Variants in CNTNAP3 observed in about 807,000 individuals in gnomAD.
The protein encoded by CNTNAP3 is contactin-associated protein-like 3.
In CNTNAP3, 36 loss-of-function variants were observed where a neutral mutation model predicts 92.1. That is an observed-to-expected ratio of 0.39 (90% CI 0.30 to 0.52). The LOEUF (loss-of-function observed/expected upper bound fraction) is 0.52, where lower values mean the gene tolerates loss of function less well. Among genes scored for constraint, CNTNAP3 ranks in the 20% least tolerant of loss-of-function variants. The pLI, the probability that CNTNAP3 is intolerant of heterozygous loss-of-function variation, is 0.76. For missense variants in CNTNAP3, 534 were observed against 1,069.6 expected (o/e 0.50, Z 6.98); for synonymous variants, 232 against 422.3 (o/e 0.55, Z 5.53).
intron 23 of CNTNAP3, among the ~76,000 whole-genome samples, chr9:39,077,582 A>ACAAG (rs1825813389): frequency 6.9e-6 from 1 of 144,810 alleles, no homozygotes; most frequent in Non-Finnish European, 1.5e-5. Context: ...AAACAAACAA[A>ACAAG]CAAACAAACA....
rs966636797 is a variant in CNTNAP3, at chr9:39,184,074, C to T, written c.539-5714G>A. On this transcript the variant is annotated intron_variant, in intron 4 of 23. Transcript: ENST00000297668. ...TTAAGTGTAACGTTTTTGAAATACA[C>T]GCATGCTGTTGCATATATCAACAGT... 1.4e-4 allele frequency among the ~76,000 whole-genome samples: 20 copies of T among 145,218 alleles called. 1 individual carries two copies. Among genetic ancestry groups the T allele is most frequent in the African/African-American group, 2.2e-4 (8 of 36,106 alleles).
chr9:39,076,763 T>C (rs62568851), intron 23 of CNTNAP3, among the ~76,000 whole-genome samples: 7,803 of 147,952 alleles, frequency 0.053, 2 homozygotes, highest in Admixed American at 0.11. Context: ...GGTCAGGAGA[T>C]CGAGACCATT....
intron 2 of CNTNAP3, among the ~76,000 whole-genome samples, chr9:39,260,323 C>CTG (rs557274061): frequency 0.013 from 257 of 20,152 alleles, 110 homozygotes; most frequent in Admixed American, 0.028. Context: ...ACCATTTTCT[C>CTG]TGTGTGTGTG....
chr9:39,095,411 C>T (rs371418227), intron 18 of CNTNAP3, among the ~76,000 whole-genome samples: 8 of 151,276 alleles, frequency 5.3e-5, no homozygotes, highest in East Asian at 3.9e-4. Context: ...TCTTATTTTA[C>T]GGAAGCTTTC....
chr9:39,075,650 A>G (rs1418633819), intron 23 of CNTNAP3, among the ~76,000 whole-genome samples: 1 of 152,270 alleles, frequency 6.6e-6, no homozygotes, highest in Non-Finnish European at 1.5e-5. Flanking sequence ...GAATGTACAA[A>G]CACACGTATT....
intron 13 of CNTNAP3, among the ~76,000 whole-genome samples, chr9:39,125,703 A>C (rs1821138316): frequency 6.6e-6 from 1 of 152,320 alleles, no homozygotes; most frequent in South Asian, 2.1e-4. Flanking sequence ...GACAAAGCCA[A>C]CTGCAGAGCA....
At chr9:39,121,329 T>C (rs1419078411) in intron 13 of CNTNAP3, among the ~76,000 whole-genome samples, 3 of 150,166 alleles carry the variant, frequency 2.0e-5, no homozygotes, top group Admixed American at 6.7e-5. Flanking sequence ...TTAAAAAAAA[T>C]CACCAGGAAG....
intron 18 of CNTNAP3, among the ~76,000 whole-genome samples, chr9:39,097,329 C>T (rs1826349681): frequency 6.6e-6 from 1 of 152,006 alleles, no homozygotes; most frequent in African/African-American, 2.4e-5. Context: ...GTTGAATGTG[C>T]CTCACTGCTC....
chr9:39,087,052 T>A (rs1243946632), intron 19 of CNTNAP3, among the ~76,000 whole-genome samples: 1 of 152,040 alleles, frequency 6.6e-6, no homozygotes, highest in East Asian at 1.9e-4. Context: ...AGTCCAATGA[T>A]GCTATTTGAA....
In CNTNAP3 at chr9:39,092,832, T is replaced by A. The variant is rs1826237630; in HGVS notation, c.2996-4185A>T. On this transcript the variant is annotated intron_variant, in intron 18 of 23. Coordinates refer to ENST00000297668, the MANE Select transcript of CNTNAP3 (RefSeq NM_033655.5). ...TATTGAATCCTCCAGGTTTTATTCC[T>A]AGTTTTTCTATTTCTCTTTTCAGTT... is the stretch of plus-strand genomic sequence containing the variant. 1.4e-5 allele frequency among the ~76,000 whole-genome samples: 2 copies of A among 141,144 alleles called. 1 individual carries two copies. The highest frequency in any genetic ancestry group is 5.2e-5 in the African/African-American group (2 of 38,682). The allele number at this position is 141,144 out of a possible 152,430, so 92.6% of individuals were successfully genotyped here. A position where few individuals can be genotyped will look rare whatever the true frequency, so the allele number is the denominator to read the frequency against.
intron 14 of CNTNAP3, among the ~76,000 whole-genome samples, chr9:39,110,775 A>C (rs1310272158): frequency 2.0e-5 from 3 of 152,200 alleles, no homozygotes; most frequent in Non-Finnish European, 4.4e-5. Flanking sequence ...GCATATATGC[A>C]TATATAACAA....
At chr9:39,082,110 A>G (rs1825958623) in intron 21 of CNTNAP3, among the ~76,000 whole-genome samples, 1 of 148,998 alleles carries the variant, frequency 6.7e-6, no homozygotes, top group Admixed American at 6.7e-5. Flanking sequence ...AAAGAAACTC[A>G]AATCAATTAA....
chr9:39,132,995 C>G lies in CNTNAP3; in HGVS notation c.2017G>C (p.Ala673Pro). The change falls in exon 13 of 24, where the codon GCG becomes CCG. Residue 673 changes from alanine (A) to proline (P), a missense_variant. Ala to Pro is a conservative substitution (Grantham distance 27). Transcript: ENST00000297668. ...AGQLRSAVNL[A>P]ERCEQRLALR... ...GCCAGCCGCTGCTCGCAGCGCTCCGCCAGGTTCACCGCGGACCGCAGCTGC... is the reference window on the plus strand; with the variant it reads ...GCCAGCCGCTGCTCGCAGCGCTCCGGCAGGTTCACCGCGGACCGCAGCTGC... 6.5e-7 allele frequency: 1 copy of G among 1,540,472 alleles called. No individual in the cohort carries two copies. Among genetic ancestry groups the G allele is most frequent in the Non-Finnish European group, 8.7e-7 (1 of 1,151,470 alleles).
chr9:39,159,421 C>T, intron 9 of CNTNAP3: 2 of 125,286 alleles, frequency 1.6e-5, no homozygotes, highest in Non-Finnish European at 3.4e-5. Context: ...ATTTTTTTTT[C>T]CAGTGATTAT....
intron 18 of CNTNAP3, among the ~76,000 whole-genome samples, chr9:39,090,423 T>C (rs970086419): frequency 3.3e-5 from 5 of 152,232 alleles, no homozygotes; most frequent in Non-Finnish European, 5.9e-5. Flanking sequence ...ATGTGTGAGA[T>C]AGAGGTCTAA....
intron 18 of CNTNAP3, chr9:39,099,695 C>T: frequency 1.2e-6 from 1 of 819,890 alleles, no homozygotes. Flanking sequence ...ACCCAGAGAT[C>T]TTCTAAATAA....
At chr9:39,076,096 C>T (rs1475864483) in intron 23 of CNTNAP3, among the ~76,000 whole-genome samples, 12 of 152,410 alleles carry the variant, frequency 7.9e-5, no homozygotes, top group Admixed American at 1.3e-4. Context: ...AATTTCTCAG[C>T]GGAAGAGAAC....
At chr9:39,125,638 A>G (rs1457901769) in intron 13 of CNTNAP3, among the ~76,000 whole-genome samples, 1 of 152,162 alleles carries the variant, frequency 6.6e-6, no homozygotes, top group Admixed American at 6.5e-5. Flanking sequence ...CTAGAGAAAG[A>G]TATACCATGG....
At chr9:39,121,024 A>G (rs1027138212) in intron 13 of CNTNAP3, among the ~76,000 whole-genome samples, 2 of 152,168 alleles carry the variant, frequency 1.3e-5, no homozygotes, top group African/African-American at 4.8e-5. Context: ...TGACTGTGGT[A>G]AGTCACATAT....
Sources: gnomAD v4.1 joint callset for allele counts (sites outside exome capture counted in the v4.1 genomes callset) on GRCh38, gnomAD v4.1.1 for gene constraint, MANE v1.5 for transcripts, NCBI Gene and HGNC (gene_info 2026-07-23, HGNC 2026-07-21) for gene names.